Variants in ITFG1 observed in about 807,000 individuals in gnomAD.
ITFG1 encodes T-cell immunomodulatory protein.
Under a neutral mutation model 81.8 loss-of-function variants are expected in ITFG1, and 34 were observed. The ratio of observed to expected loss-of-function variants is 0.42; its 90% CI spans 0.32 to 0.55. ITFG1 has a LOEUF of 0.55. Among genes scored for constraint, ITFG1 ranks in the 20% least tolerant of loss-of-function variants. The probability of loss-of-function intolerance (pLI) is 0.17; values close to 1 mark genes in which losing one functional copy is unlikely to be tolerated. For synonymous variants in ITFG1, 285 were observed against 270.6 expected (o/e 1.05, Z -0.52); for missense variants, 672 against 755.4 (o/e 0.89, Z 1.29).
At chr16:47,165,607 G>C (rs185482078) in intron 14 of ITFG1, among the ~76,000 whole-genome samples, 1 of 152,256 alleles carries the variant, frequency 6.6e-6, no homozygotes, top group Non-Finnish European at 1.5e-5. Flanking sequence ...CACTCTGGGA[G>C]GCCAAGGCAG....
At position 47,452,780 on chromosome 16, in the gene ITFG1, A is replaced by G; in HGVS notation, c.438T>C (p.Asn146=). ...WGQNQTLDPN[N]MTILNRTFQD... is the part of the protein sequence containing the mutation. ...GAAAAGTCCTATTGAGTATGGTCAT[A>G]TTGTTAGGATCTGCAAAAAAGATAT... Residue 146 remains asparagine (N), a synonymous_variant, in exon 4 of 18, where the codon AAT becomes AAC. Transcript: ENST00000320640. The G allele has an allele frequency of 6.4e-7, 1 of 1,562,944 alleles. No individual in the cohort carries two copies.
intron 14 of ITFG1, among the ~76,000 whole-genome samples, chr16:47,214,323 A>G (rs573039097): frequency 6.6e-6 from 1 of 152,368 alleles, no homozygotes; most frequent in African/African-American, 2.4e-5. Flanking sequence ...AATAGTAACC[A>G]CAGAGGAAAA....
chr16:47,397,115 A>T (rs1172207495), intron 6 of ITFG1, among the ~76,000 whole-genome samples: 2 of 152,228 alleles, frequency 1.3e-5, no homozygotes, highest in African/African-American at 4.8e-5. Context: ...AATAATTTGA[A>T]AGTGGTACTG....
At chr16:47,433,893 T>C (rs1364056304) in intron 5 of ITFG1, among the ~76,000 whole-genome samples, 1 of 123,096 alleles carries the variant, frequency 8.1e-6, no homozygotes, top group Non-Finnish European at 1.7e-5. Context: ...TATATATATA[T>C]ATATATATAT....
At chr16:47,445,995 A>T (rs1969319918) in intron 5 of ITFG1, among the ~76,000 whole-genome samples, 1 of 152,136 alleles carries the variant, frequency 6.6e-6, no homozygotes, top group Non-Finnish European at 1.5e-5. Context: ...TGTGGTAGTC[A>T]CTTAATCTTT....
At chr16:47,299,457 G>C (rs546708145) in intron 10 of ITFG1, 1 of 152,908 alleles carries the variant, frequency 6.5e-6, no homozygotes, top group East Asian at 1.9e-4. Flanking sequence ...GGTGGTGTTG[G>C]GTAGAGGAGA....
chr16:47,397,268 A>G (rs1389396067), intron 6 of ITFG1, among the ~76,000 whole-genome samples: 2 of 152,108 alleles, frequency 1.3e-5, no homozygotes, highest in East Asian at 3.9e-4. Flanking sequence ...CTGATGGTGG[A>G]GCTGGTGTTC....
intron 6 of ITFG1, among the ~76,000 whole-genome samples, chr16:47,390,620 C>T (rs112779960): frequency 5.9e-5 from 9 of 152,128 alleles, no homozygotes; most frequent in East Asian, 1.9e-4. Context: ...CCACCACGCC[C>T]GGCTAATTTT....
intron 14 of ITFG1, among the ~76,000 whole-genome samples, chr16:47,208,090 T>C (rs1312341200): frequency 1.3e-5 from 2 of 152,014 alleles, no homozygotes; most frequent in Non-Finnish European, 2.9e-5. Context: ...AAATCAGGAG[T>C]GCTGACTCCA....
chr16:47,262,060 T>C (rs1233336352), intron 10 of ITFG1, among the ~76,000 whole-genome samples: 1 of 152,236 alleles, frequency 6.6e-6, no homozygotes. Flanking sequence ...AGTTTGATTA[T>C]AAGAAAGCAA....
At chr16:47,442,474 G>C (rs1969265682) in intron 5 of ITFG1, among the ~76,000 whole-genome samples, 1 of 152,120 alleles carries the variant, frequency 6.6e-6, no homozygotes, top group African/African-American at 2.4e-5. Flanking sequence ...CAAAGCTGGA[G>C]GCATCACGCT....
intron 11 of ITFG1, 84 bp from the exon 12 acceptor site, chr16:47,258,824 G>A: frequency 1.8e-6 from 1 of 565,686 alleles, no homozygotes; most frequent in South Asian, 2.7e-5. Context: ...ATGGCATATT[G>A]TTTATAAAGT....
At chr16:47,442,420 C>G (rs1265770002) in intron 5 of ITFG1, among the ~76,000 whole-genome samples, 1 of 152,004 alleles carries the variant, frequency 6.6e-6, no homozygotes, top group Non-Finnish European at 1.5e-5. Context: ...CATACAGAAC[C>G]AAAAAAGAGC....
intron 14 of ITFG1, among the ~76,000 whole-genome samples, chr16:47,193,660 C>G (rs1243133303): frequency 1.3e-5 from 2 of 152,166 alleles, no homozygotes; most frequent in Non-Finnish European, 2.9e-5. Flanking sequence ...CAGCACTGCA[C>G]TCTAGCCTTG....
At chr16:47,227,345 G>T (rs1306927141) in intron 13 of ITFG1, among the ~76,000 whole-genome samples, 1 of 152,094 alleles carries the variant, frequency 6.6e-6, no homozygotes, top group Non-Finnish European at 1.5e-5. Flanking sequence ...GGTTATATTA[G>T]GGTGTCCTTT....
At chr16:47,443,928 GA>G (rs1208194558) in intron 5 of ITFG1, among the ~76,000 whole-genome samples, 8 of 151,562 alleles carry the variant, frequency 5.3e-5, no homozygotes, top group African/African-American at 1.9e-4. Context: ...AAAATGTAAG[GA>G]AAAAACAAAA....
At chr16:47,435,732 A>C (rs1366800794) in intron 5 of ITFG1, among the ~76,000 whole-genome samples, 3 of 152,194 alleles carry the variant, frequency 2.0e-5, no homozygotes, top group Non-Finnish European at 4.4e-5. Context: ...CAGGCTGCCT[A>C]GTTCTTTAGT....
In ITFG1 at chr16:47,258,688, G is replaced by A; in HGVS notation, c.1274C>T (p.Ala425Val). Residue 425 changes from alanine to valine, a missense_variant, in exon 12 of 18, where the codon GCC (alanine) becomes GTC (valine). Ala to Val is a moderately conservative substitution (Grantham distance 64). This residue lies in a region of ITFG1 where 560 missense variants were observed against 625.7 expected (regional missense o/e 0.90). Transcript: ENST00000320640. Reference sequence around the variant, plus strand: ...AAAGTTATTTTTTAGTGTATGAATGGCAAAATCATTCTTTGTATATCCTTT... The same window carrying A: ...AAAGTTATTTTTTAGTGTATGAATGACAAAATCATTCTTTGTATATCCTTT... ...LSKGYTKNDF[A>V]IHTLKNNFEA... 6.4e-7 allele frequency: 1 copy of A among 1,556,994 alleles called. No individual in the cohort carries two copies. Among genetic ancestry groups the A allele is most frequent in the Admixed American group, 1.8e-5 (1 of 54,266 alleles).
chr16:47,203,171 G>A (rs1253995627), intron 14 of ITFG1, among the ~76,000 whole-genome samples: 2 of 152,174 alleles, frequency 1.3e-5, no homozygotes, highest in Non-Finnish European at 2.9e-5. Flanking sequence ...CAGCCTTAAA[G>A]CAAGAAAATT....
Sources: allele counts gnomAD v4.1 joint callset (sites outside exome capture counted in the v4.1 genomes callset), GRCh38; gene constraint gnomAD v4.1.1; regional missense constraint gnomAD v4.1.1; transcripts MANE v1.5; gene names NCBI Gene and HGNC (gene_info 2026-07-23, HGNC 2026-07-21).